The following DCN variants were observed in gnomAD, a reference collection of about 807,000 sequenced individuals.
The protein encoded by DCN is bone proteoglycan II.
A neutral mutation model predicts 36.5 loss-of-function variants in DCN; 17 were observed. The observed-to-expected ratio is 0.47, with a 90% CI of 0.32 to 0.70. The LOEUF is 0.70. Among genes scored for constraint, DCN ranks in the 30% least tolerant of loss-of-function variants. The probability of loss-of-function intolerance (pLI) is 0.04; values close to 1 mark genes in which losing one functional copy is unlikely to be tolerated. For missense variants in DCN, 389 were observed against 430.1 expected (o/e 0.90, Z 0.84); for synonymous variants, 163 against 161.4 (o/e 1.01, Z -0.07).
chr12:91,145,585 A>G lies in DCN; in HGVS notation c.*473T>C, dbSNP rs1880957000. On this transcript the variant is annotated 3_prime_UTR_variant, in exon 8 of 8. Coordinates refer to ENST00000052754, the MANE Select transcript of DCN (RefSeq NM_001920.5). ...AAATAATGACATTAGTAAAAATTTT[A>G]CATAGCCTGTATTGAATTCACACAT... The G allele has an allele frequency of 6.0e-6, 1 of 166,762 alleles. No homozygotes were observed. Among genetic ancestry groups the G allele is most frequent in the African/African-American group, 2.4e-5 (1 of 41,604 alleles). 10.3% of individuals were successfully genotyped at this position (166,762 alleles called of 1,614,324 possible). A position where few individuals can be genotyped will look rare whatever the true frequency, so the allele number is the denominator to read the frequency against.
chr12:91,174,843 C>T (rs544222614), intron 2 of DCN, among the ~76,000 whole-genome samples: 2 of 152,134 alleles, frequency 1.3e-5, no homozygotes, highest in East Asian at 3.9e-4. Context: ...AGTCAAAAGA[C>T]AATACTTGTT....
chr12:91,153,436 G>C (rs1462548847), intron 5 of DCN, among the ~76,000 whole-genome samples: 1 of 151,732 alleles, frequency 6.6e-6, no homozygotes, highest in African/African-American at 2.4e-5. Flanking sequence ...CTATCATGTA[G>C]TCAATTTTTG....
chr12:91,182,648 A>C lies in DCN; in HGVS notation c.-34+7T>G, dbSNP rs2121338682. The C allele has an allele frequency of 6.6e-6, 1 of 152,046 alleles. No homozygotes were observed. The highest frequency in any genetic ancestry group is 2.4e-5 in the African/African-American group (1 of 41,494). The allele number at this position is 152,046 out of a possible 1,614,324, so 9.4% of individuals were successfully genotyped here. A position where few individuals can be genotyped will look rare whatever the true frequency, so the allele number is the denominator to read the frequency against. On this transcript the variant is annotated splice_region_variant and intron_variant, in intron 1 of 7. Coordinates refer to ENST00000052754, the MANE Select transcript of DCN (RefSeq NM_001920.5). ...GCAGAGTTCAGGACAATTATTGAAA[A>C]CCATACCTTTTAATCCGGGAATTTG...
chr12:91,182,517 T>A (rs1868443960), intron 1 of DCN, 138 bp downstream of exon 1: 2 of 152,064 alleles, frequency 1.3e-5, no homozygotes, highest in African/African-American at 4.8e-5. Context: ...TTGTTTAAAA[T>A]GTTGCATAAA....
At chr12:91,173,380 T>C (rs564282603) in intron 2 of DCN, among the ~76,000 whole-genome samples, 2 of 152,288 alleles carry the variant, frequency 1.3e-5, no homozygotes, top group East Asian at 3.9e-4. Flanking sequence ...GCTATGTTAG[T>C]TGTCATTCAG....
At chr12:91,154,578 G>A (rs935818006) in intron 5 of DCN, among the ~76,000 whole-genome samples, 1 of 152,052 alleles carries the variant, frequency 6.6e-6, no homozygotes, top group Non-Finnish European at 1.5e-5. Context: ...GTTTGACTAT[G>A]GGAGAAAACC....
rs1034558596 is a variant in DCN, at chr12:91,145,901, A to G, written c.*157T>C. ...GCAAAATTTCTTTTTATTGTAGGCAATTACTTAAACTGGAAATTTGGCTTT... is the reference window on the plus strand; with the variant it reads ...GCAAAATTTCTTTTTATTGTAGGCAGTTACTTAAACTGGAAATTTGGCTTT... On this transcript the variant is annotated 3_prime_UTR_variant, in exon 8 of 8. Coordinates refer to ENST00000052754, the MANE Select transcript of DCN (RefSeq NM_001920.5). 7 of 645,410 alleles carry G rather than the reference A, an allele frequency of 1.1e-5. No homozygotes were observed. The highest frequency in any genetic ancestry group is 1.1e-5 in the Non-Finnish European group (4 of 373,306). 40.0% of individuals were successfully genotyped at this position (645,410 alleles called of 1,614,324 possible). A position where few individuals can be genotyped will look rare whatever the true frequency, so the allele number is the denominator to read the frequency against.
At chr12:91,153,597 A>C (rs766162696) in intron 5 of DCN, among the ~76,000 whole-genome samples, 2 of 152,174 alleles carry the variant, frequency 1.3e-5, no homozygotes, top group Admixed American at 6.5e-5. Flanking sequence ...CGTATAAATT[A>C]AACCCATGTA....
intron 4 of DCN, 124 bp from the exon 5 acceptor site, chr12:91,157,312 A>G (rs1174325844): frequency 4.0e-6 from 3 of 741,276 alleles, no homozygotes; most frequent in Non-Finnish European, 7.2e-6. Flanking sequence ...ACTAAAAAAC[A>G]AAAGTGAAGT....
intron 2 of DCN, among the ~76,000 whole-genome samples, chr12:91,165,093 C>G (rs1362233444): frequency 6.6e-6 from 1 of 152,132 alleles, no homozygotes; most frequent in Non-Finnish European, 1.5e-5. Context: ...CAAATTTATA[C>G]ATTTTTACAT....
At chr12:91,179,999 G>A (rs1883502145) in intron 1 of DCN, among the ~76,000 whole-genome samples, 1 of 152,052 alleles carries the variant, frequency 6.6e-6, no homozygotes, top group Admixed American at 6.6e-5. Context: ...ATCAACTGAA[G>A]TGCACTAAAT....
At chr12:91,177,812 A>C in intron 2 of DCN, 1 of 652,004 alleles carries the variant, frequency 1.5e-6, no homozygotes, top group Admixed American at 2.2e-5. Context: ...AGATTAAGGG[A>C]GTATTTTGAT....
intron 7 of DCN, among the ~76,000 whole-genome samples, chr12:91,148,507 G>C (rs1881186598): frequency 6.6e-6 from 1 of 151,778 alleles, no homozygotes; most frequent in Admixed American, 6.6e-5. Flanking sequence ...CATGAGGTCA[G>C]GTGTTCAAGA....
At chr12:91,168,685 C>T (rs920017317) in intron 2 of DCN, among the ~76,000 whole-genome samples, 1 of 152,128 alleles carries the variant, frequency 6.6e-6, no homozygotes, top group Admixed American at 6.5e-5. Flanking sequence ...TTTTATTTTC[C>T]TCAGAAGTAT....
rs764534812 is a variant in DCN at position 91,157,061 on chromosome 12, G to T, written c.652+14C>A. 81 of 1,512,686 alleles carry T rather than the reference G, an allele frequency of 5.4e-5. No individual in the cohort carries two copies. The highest frequency in any genetic ancestry group is 2.8e-6 in the Non-Finnish European group (3 of 1,087,984). 93.7% of individuals were successfully genotyped at this position (1,512,686 alleles called of 1,614,324 possible). The stretch of plus-strand genomic sequence containing the variant: ...TTTAAATTTTTCAAAATGTTTTGGA[G>T]AATCTTCTATCACCTTGAGGAATGC... On this transcript the variant is annotated intron_variant, in intron 5 of 7. Transcript: ENST00000052754.
intron 2 of DCN, among the ~76,000 whole-genome samples, chr12:91,178,107 G>C (rs908345918): frequency 2.0e-5 from 3 of 152,046 alleles, no homozygotes; most frequent in African/African-American, 7.2e-5. Flanking sequence ...ATTTGTCCAA[G>C]ATTGCAAAGT....
Position 91,149,404 on chromosome 12 carries a change from A to T in DCN, c.885+2250T>A, listed in dbSNP as rs181834107. ...GGAAAAACATGTAAGAAAAAAATTC[A>T]TAATAAATGTTTTCAGTAAATCAGA... is the stretch of plus-strand genomic sequence containing the variant. On this transcript the variant is annotated intron_variant, in intron 7 of 7. Coordinates refer to ENST00000052754, the MANE Select transcript of DCN (RefSeq NM_001920.5). 1.4e-4 allele frequency among the ~76,000 whole-genome samples: 21 copies of T among 152,330 alleles called. No homozygotes were observed. In the East Asian group the frequency reaches 2.7e-3, roughly 20 times the overall value.
rs370871535 is a variant in DCN at position 91,163,678 on chromosome 12, A to G, written c.324+927T>C. 2.6e-5 allele frequency among the ~76,000 whole-genome samples: 4 copies of G among 152,342 alleles called. No individual in the cohort carries two copies. The East Asian group carries it at 7.7e-4, about 29-fold the overall frequency. The stretch of plus-strand genomic sequence containing the variant: ...GAGAGATAAGAGAAAATCAAAATAA[A>G]CATACAGATAAGGACACAGCATGCA... On this transcript the variant is annotated intron_variant, in intron 3 of 7. Coordinates refer to ENST00000052754, the MANE Select transcript of DCN (RefSeq NM_001920.5).
At chr12:91,173,905 A>G (rs1883132244) in intron 2 of DCN, among the ~76,000 whole-genome samples, 1 of 152,228 alleles carries the variant, frequency 6.6e-6, no homozygotes, top group African/African-American at 2.4e-5. Flanking sequence ...TTCAAGAAAA[A>G]TGATTATGAA....
Sources: gnomAD v4.1 joint callset for allele counts (sites outside exome capture counted in the v4.1 genomes callset) on GRCh38, gnomAD v4.1.1 for gene constraint, MANE v1.5 for transcripts, NCBI Gene and HGNC (gene_info 2026-07-23, HGNC 2026-07-21) for gene names.